Variants in NUP93 observed in about 807,000 individuals in gnomAD.
NUP93 encodes nucleoporin 93, also known as nuclear pore complex protein Nup93.
NUP93 carries 55 observed loss-of-function variants against 107.8 expected under a neutral mutation model. That is an observed-to-expected ratio of 0.51 (90% CI 0.41 to 0.64). The LOEUF (loss-of-function observed/expected upper bound fraction) is 0.64. Ranked by LOEUF, NUP93 falls within the 30% of genes least tolerant of loss-of-function variation. The pLI is 0.00. For synonymous variants in NUP93, 390 were observed against 397.5 expected (o/e 0.98, Z 0.22); for missense variants, 937 against 1,044.7 (o/e 0.90, Z 1.42).
intron 3 of NUP93, among the ~76,000 whole-genome samples, chr16:56,761,529 T>C (rs1400185915): frequency 6.7e-6 from 1 of 149,548 alleles, no homozygotes; most frequent in Non-Finnish European, 1.5e-5. Context: ...TGGTGGACTT[T>C]TGTAATTGAA....
intron 6 of NUP93, among the ~76,000 whole-genome samples, chr16:56,820,963 C>T (rs377172570): frequency 2.0e-5 from 3 of 152,174 alleles, no homozygotes; most frequent in Non-Finnish European, 4.4e-5. Flanking sequence ...CTTTCCCATA[C>T]CTTAAATATC....
intron 3 of NUP93, among the ~76,000 whole-genome samples, chr16:56,794,812 C>G (rs1302314808): frequency 6.6e-6 from 1 of 151,460 alleles, no homozygotes; most frequent in Non-Finnish European, 1.5e-5. Context: ...CCTGTAGTCC[C>G]AGCTACTCGG....
rs1567418751 is a variant in NUP93 at position 56,850,207 on chromosome 16, G to A, written c.*5598G>A. The A allele has an allele frequency of 6.6e-6, 1 of 152,252 alleles. No homozygotes were observed. Among genetic ancestry groups the A allele is most frequent in the Non-Finnish European group, 1.5e-5 (1 of 68,072 alleles). 9.4% of individuals were successfully genotyped at this position (152,252 alleles called of 1,614,324 possible). A position where few individuals can be genotyped will look rare whatever the true frequency, so the allele number is the denominator to read the frequency against. On this transcript the variant is annotated 3_prime_UTR_variant, in exon 22 of 22. Coordinates refer to ENST00000308159, the MANE Select transcript of NUP93 (RefSeq NM_014669.5). ...TGTTCTGCATGTTCCTTTCTGTACAGTAACTTCTGCATTTACTCTGTTTAG... is the reference window on the plus strand; with the variant it reads ...TGTTCTGCATGTTCCTTTCTGTACAATAACTTCTGCATTTACTCTGTTTAG...
At chr16:56,807,549 T>G (rs1372817423) in intron 5 of NUP93, among the ~76,000 whole-genome samples, 3 of 152,220 alleles carry the variant, frequency 2.0e-5, no homozygotes, top group African/African-American at 7.2e-5. Context: ...AAATATTTGT[T>G]GAGTGAATCA....
At chr16:56,834,004 C>T (rs1963856870) in intron 13 of NUP93, 124 bp from the exon 14 acceptor site, 1 of 1,380,994 alleles carries the variant, frequency 7.2e-7, no homozygotes, top group East Asian at 2.3e-5. Context: ...CTTATATTAG[C>T]AAACTTTGAC....
At chr16:56,829,304 G>A (rs143196872) in intron 9 of NUP93, among the ~76,000 whole-genome samples, 195 bp downstream of exon 9, 1 of 152,220 alleles carries the variant, frequency 6.6e-6, no homozygotes, top group African/African-American at 2.4e-5. Context: ...ACTCAGCTCC[G>A]GGTGGAGAAG....
At chr16:56,820,940 A>G (rs1313034333) in intron 6 of NUP93, among the ~76,000 whole-genome samples, 1 of 152,202 alleles carries the variant, frequency 6.6e-6, no homozygotes, top group East Asian at 1.9e-4. Context: ...AATAAAATCT[A>G]AAGTAAGAGT....
chr16:56,751,884 C>A (rs1344818123), intron 2 of NUP93, among the ~76,000 whole-genome samples: 1 of 152,072 alleles, frequency 6.6e-6, no homozygotes, highest in Non-Finnish European at 1.5e-5. Context: ...ATTTTTGCAC[C>A]CTTACAGACT....
At chr16:56,785,643 A>G (rs546861940) in intron 3 of NUP93, among the ~76,000 whole-genome samples, 42 of 152,348 alleles carry the variant, frequency 2.8e-4, no homozygotes, top group African/African-American at 1.0e-3. Flanking sequence ...GCAGAGAGGA[A>G]GGAGTAAAAT....
intron 3 of NUP93, among the ~76,000 whole-genome samples, chr16:56,769,444 T>A (rs933705415): frequency 1.1e-4 from 16 of 152,292 alleles, no homozygotes; most frequent in Middle Eastern, 3.4e-3. Context: ...TTGAGGGGCA[T>A]TCAGTTTTAC....
intron 6 of NUP93, 103 bp from the exon 7 acceptor site, chr16:56,821,401 G>A: frequency 1.3e-6 from 1 of 750,136 alleles, no homozygotes; most frequent in Non-Finnish European, 2.2e-6. Context: ...TCCGAGGAAG[G>A]AAAGGTTGGC....
At chr16:56,830,176 G>A (rs1347806558) in intron 9 of NUP93, among the ~76,000 whole-genome samples, 1 of 152,218 alleles carries the variant, frequency 6.6e-6, no homozygotes, top group Non-Finnish European at 1.5e-5. Context: ...AGGAGTGCAT[G>A]TGTGTATATT....
At chr16:56,750,529 G>C (rs1362702229) in intron 2 of NUP93, among the ~76,000 whole-genome samples, 5 of 152,172 alleles carry the variant, frequency 3.3e-5, no homozygotes, top group Admixed American at 6.5e-5. Flanking sequence ...GAATAGCTTT[G>C]ATAGCTTTTT....
intron 5 of NUP93, among the ~76,000 whole-genome samples, chr16:56,815,805 A>C (rs1032924975): frequency 6.6e-6 from 1 of 151,484 alleles, no homozygotes; most frequent in Non-Finnish European, 1.5e-5. Flanking sequence ...TAAAGGCAGC[A>C]GTATGCTCCA....
chr16:56,751,555 C>A (rs1961919920), intron 2 of NUP93, among the ~76,000 whole-genome samples: 1 of 152,214 alleles, frequency 6.6e-6, no homozygotes, highest in South Asian at 2.1e-4. Flanking sequence ...TTTTCAGTTT[C>A]TGAAGGATTG....
At chr16:56,730,995 T>A (rs1337207767) in intron 1 of NUP93, among the ~76,000 whole-genome samples, 2 of 152,226 alleles carry the variant, frequency 1.3e-5, no homozygotes, top group Non-Finnish European at 2.9e-5. Context: ...TTGTATTCTT[T>A]CCAGGGTATG....
chr16:56,745,094 G>A (rs1164007719), intron 1 of NUP93, among the ~76,000 whole-genome samples: 1 of 152,190 alleles, frequency 6.6e-6, no homozygotes, highest in African/African-American at 2.4e-5. Flanking sequence ...AGGAGATGGG[G>A]GATTGCTGGG....
At chr16:56,751,267 T>C (rs947283185) in intron 2 of NUP93, among the ~76,000 whole-genome samples, 4 of 152,216 alleles carry the variant, frequency 2.6e-5, no homozygotes, top group Non-Finnish European at 5.9e-5. Context: ...TTTCACATAC[T>C]TCTCCATGTT....
chr16:56,733,915 T>G (rs1364065914), intron 1 of NUP93, among the ~76,000 whole-genome samples: 1 of 152,222 alleles, frequency 6.6e-6, no homozygotes, highest in Admixed American at 6.5e-5. Context: ...AGAAGAAACT[T>G]TCTCAAACCT....
Sources: allele counts gnomAD v4.1 joint callset (sites outside exome capture counted in the v4.1 genomes callset), GRCh38; gene constraint gnomAD v4.1.1; transcripts MANE v1.5; gene names NCBI Gene and HGNC (gene_info 2026-07-23, HGNC 2026-07-21).